Variants in FER observed in about 807,000 individuals in gnomAD.
FER encodes the protein tyrosine-protein kinase Fer.
In FER, 63 loss-of-function variants were observed where a neutral mutation model predicts 111.0. That is an observed-to-expected ratio of 0.57 (90% CI 0.46 to 0.70). FER has a LOEUF of 0.70. Among genes scored for constraint, FER ranks in the 30% least tolerant of loss-of-function variants. The pLI is 0.00. For missense variants in FER, 914 were observed against 954.0 expected (o/e 0.96, Z 0.55); for synonymous variants, 327 against 313.9 (o/e 1.04, Z -0.44).
rs531639212 is a variant in FER, at chr5:109,052,159, A to G, written c.1924+4961A>G. The stretch of plus-strand genomic sequence containing the variant: ...CTTGTTCAGTTTCTCTTCCTTTTGC[A>G]TCACATAGAACACATGAGCCAGGTA... On this transcript the variant is annotated intron_variant, in intron 16 of 19. Coordinates refer to ENST00000281092, the MANE Select transcript of FER (RefSeq NM_005246.4). 5.6e-6 allele frequency: 9 copies of G among 1,607,982 alleles called. No individual in the cohort carries two copies. In the East Asian group the frequency reaches 1.1e-4, roughly 20 times the overall value.
At chr5:109,050,734 A>G (rs561458834) in intron 16 of FER, among the ~76,000 whole-genome samples, 3 of 152,198 alleles carry the variant, frequency 2.0e-5, no homozygotes, top group Non-Finnish European at 4.4e-5. Flanking sequence ...TTTTAAACTG[A>G]TACCAAGAAT....
At chr5:108,793,208 G>T (rs775999844) in intron 2 of FER, among the ~76,000 whole-genome samples, 1 of 151,952 alleles carries the variant, frequency 6.6e-6, no homozygotes, top group East Asian at 1.9e-4. Flanking sequence ...TCTACTCTTT[G>T]TCTCCAGGAG....
intron 10 of FER, among the ~76,000 whole-genome samples, chr5:108,935,636 G>T (rs1755358643): frequency 1.3e-5 from 2 of 152,044 alleles, no homozygotes; most frequent in African/African-American, 4.8e-5. Context: ...TTAAAACTTT[G>T]GTTGTGGGTG....
intron 13 of FER, among the ~76,000 whole-genome samples, chr5:109,005,354 G>GA (rs895707564): frequency 6.6e-6 from 1 of 151,140 alleles, no homozygotes; most frequent in East Asian, 2.0e-4. Flanking sequence ...TTGGCAAATG[G>GA]AAAAAAACTA....
intron 16 of FER, among the ~76,000 whole-genome samples, chr5:109,078,848 T>TA (rs1776665549): frequency 6.6e-6 from 1 of 152,190 alleles, no homozygotes; most frequent in Non-Finnish European, 1.5e-5. Context: ...TATGACTTAA[T>TA]AAGTCCATAA....
chr5:108,881,818 C>A (rs1029146618), intron 8 of FER, among the ~76,000 whole-genome samples: 3 of 151,996 alleles, frequency 2.0e-5, no homozygotes, highest in South Asian at 4.1e-4. Context: ...ACCTTCATGA[C>A]TTCATCTAAT....
chr5:108,832,348 T>C (rs953391336), intron 3 of FER, among the ~76,000 whole-genome samples: 1 of 152,202 alleles, frequency 6.6e-6, no homozygotes, highest in South Asian at 2.1e-4. Flanking sequence ...CAGGATCAGA[T>C]GCCACAGAGA....
intron 13 of FER, among the ~76,000 whole-genome samples, chr5:109,008,491 T>C (rs978739383): frequency 6.6e-6 from 1 of 151,982 alleles, no homozygotes; most frequent in African/African-American, 2.4e-5. Context: ...CTGTCCTAAT[T>C]TTCTCTGTGT....
chr5:109,021,062 T>G (rs566598180), intron 13 of FER, among the ~76,000 whole-genome samples: 49 of 152,132 alleles, frequency 3.2e-4, no homozygotes, highest in African/African-American at 1.0e-3. Context: ...AGTAGAATAA[T>G]TTTAGTGTAG....
chr5:108,910,794 A>G (rs1295451207), intron 10 of FER, among the ~76,000 whole-genome samples: 2 of 151,170 alleles, frequency 1.3e-5, no homozygotes, highest in Non-Finnish European at 3.0e-5. Flanking sequence ...CTCCAGCTCC[A>G]TCTAGTTGCT....
intron 13 of FER, among the ~76,000 whole-genome samples, chr5:108,995,892 A>G (rs2149763574): frequency 6.6e-6 from 1 of 152,044 alleles, no homozygotes; most frequent in South Asian, 2.1e-4. Flanking sequence ...AACAGTGTAA[A>G]ATGTTCCTAT....
At chr5:108,880,072 A>T (rs1195934093) in intron 8 of FER, among the ~76,000 whole-genome samples, 1 of 152,088 alleles carries the variant, frequency 6.6e-6, no homozygotes, top group Non-Finnish European at 1.5e-5. Flanking sequence ...TCTGTCTAGT[A>T]GAATGTAAGT....
intron 17 of FER, among the ~76,000 whole-genome samples, chr5:109,151,070 A>G (rs933183839): frequency 2.0e-5 from 3 of 152,166 alleles, no homozygotes; most frequent in Admixed American, 6.5e-5. Flanking sequence ...AAAATAGTCT[A>G]AAATGGCTTT....
intron 1 of FER, among the ~76,000 whole-genome samples, chr5:108,764,587 G>C (rs1037475043): frequency 6.6e-6 from 1 of 152,078 alleles, no homozygotes; most frequent in Middle Eastern, 3.4e-3. Flanking sequence ...AGTAGAGATG[G>C]GGTTTCTCCA....
At chr5:109,083,010 T>C (rs1777168655) in intron 16 of FER, among the ~76,000 whole-genome samples, 1 of 152,066 alleles carries the variant, frequency 6.6e-6, no homozygotes, top group South Asian at 2.1e-4. Flanking sequence ...TAAATTCTCC[T>C]GAAGCAAATA....
At chr5:108,981,287 C>T (rs1401838101) in intron 13 of FER, among the ~76,000 whole-genome samples, 2 of 151,818 alleles carry the variant, frequency 1.3e-5, no homozygotes, top group Non-Finnish European at 2.9e-5. Context: ...TTGCTTAATT[C>T]CCCTAAAGGA....
chr5:108,910,307 C>T (rs1044418501), intron 10 of FER, among the ~76,000 whole-genome samples: 1 of 152,064 alleles, frequency 6.6e-6, no homozygotes, highest in Non-Finnish European at 1.5e-5. Context: ...CTACTCTAGC[C>T]AAAGTTATCT....
intron 17 of FER, among the ~76,000 whole-genome samples, chr5:109,164,166 G>A (rs891796952): frequency 1.3e-4 from 20 of 152,086 alleles, no homozygotes; most frequent in African/African-American, 4.3e-4. Flanking sequence ...AGAGGCCTTC[G>A]TCAGTCTTGC....
At chr5:109,133,351 T>C (rs1582184156) in intron 17 of FER, among the ~76,000 whole-genome samples, 1 of 152,154 alleles carries the variant, frequency 6.6e-6, no homozygotes, top group African/African-American at 2.4e-5. Context: ...AAAATTCAAC[T>C]TGCAGCAGCA....
Sources: allele counts gnomAD v4.1 joint callset (sites outside exome capture counted in the v4.1 genomes callset), GRCh38; gene constraint gnomAD v4.1.1; transcripts MANE v1.5; gene names NCBI Gene and HGNC (gene_info 2026-07-23, HGNC 2026-07-21).